Variants in SAMMSON observed in about 807,000 individuals in gnomAD.
The protein encoded by SAMMSON is long intergenic non-protein coding RNA 1212.
At chr3:70,398,203 T>C (rs1701108069) in intron 2 of SAMMSON, among the ~76,000 whole-genome samples, 1 of 152,286 alleles carries the variant, frequency 6.6e-6, no homozygotes, top group African/African-American at 2.4e-5. Flanking sequence ...TTTAAATATG[T>C]TTGCCACTTG....
chr3:70,212,894 G>A lies in SAMMSON; in HGVS notation n.508-36213G>A, dbSNP rs535858952. On this transcript the variant is annotated intron_variant and non_coding_transcript_variant, in intron 4 of 9. Coordinates refer to ENST00000642114, the Ensembl canonical transcript of SAMMSON. ...CTGCAGCTTCAACCTCCCAGACTCA[G>A]GTGATCCTCCCATCTCAGTCTCCTG... Among the ~76,000 whole-genome samples, 4 of 152,054 alleles carry A rather than the reference G, an allele frequency of 2.6e-5. No homozygotes were observed. In the East Asian group the frequency reaches 7.8e-4, roughly 30 times the overall value.
intron 9 of SAMMSON, among the ~76,000 whole-genome samples, chr3:70,368,444 T>A (rs1319162398): frequency 6.6e-6 from 1 of 151,628 alleles, no homozygotes; most frequent in Non-Finnish European, 1.5e-5. Flanking sequence ...GTGAAAAAAA[T>A]TTGTAGATGG....
At chr3:70,336,509 G>A (rs1428900766) in intron 7 of SAMMSON, among the ~76,000 whole-genome samples, 1 of 151,950 alleles carries the variant, frequency 6.6e-6, no homozygotes, top group Non-Finnish European at 1.5e-5. Flanking sequence ...AATCTTGGAG[G>A]TTTGTGGGAG....
chr3:70,116,197 T>C (rs73838060), intron 4 of SAMMSON, among the ~76,000 whole-genome samples: 1,872 of 151,868 alleles, frequency 0.012, 39 homozygotes, highest in African/African-American at 0.043. Flanking sequence ...CTAGCATTTA[T>C]CTGAGCACAG....
At chr3:70,319,803 G>T (rs1559563002) in intron 7 of SAMMSON, among the ~76,000 whole-genome samples, 1 of 151,990 alleles carries the variant, frequency 6.6e-6, no homozygotes, top group Non-Finnish European at 1.5e-5. Flanking sequence ...TGGAAGGGAT[G>T]TGTGACTATG....
chr3:70,317,240 C>A (rs1702501581), intron 7 of SAMMSON, among the ~76,000 whole-genome samples: 2 of 151,892 alleles, frequency 1.3e-5, no homozygotes, highest in Admixed American at 6.6e-5. Context: ...TATATTATTG[C>A]ATTTTGCTGT....
intron 7 of SAMMSON, among the ~76,000 whole-genome samples, chr3:70,331,077 T>A (rs550414872): frequency 3.9e-5 from 6 of 152,220 alleles, no homozygotes; most frequent in African/African-American, 1.4e-4. Context: ...GATCCCCAAA[T>A]TGAAGCTTTT....
intron 4 of SAMMSON, among the ~76,000 whole-genome samples, chr3:70,184,363 T>C (rs1701075998): frequency 6.6e-6 from 1 of 152,200 alleles, no homozygotes; most frequent in Non-Finnish European, 1.5e-5. Flanking sequence ...ACTATACCAC[T>C]TGATCTTAGA....
chr3:70,140,377 T>A (rs2067523086), intron 4 of SAMMSON: 1 of 208,276 alleles, frequency 4.8e-6, no homozygotes, highest in Admixed American at 4.6e-5. Flanking sequence ...AGCTCTGTGA[T>A]GAGTGTATAT....
At chr3:70,164,421 T>A (rs899850656) in intron 4 of SAMMSON, among the ~76,000 whole-genome samples, 5 of 152,110 alleles carry the variant, frequency 3.3e-5, no homozygotes, top group African/African-American at 1.2e-4. Flanking sequence ...CAAAAAAAGA[T>A]CTGTTTTCTC....
chr3:70,146,384 A>G (rs1409175955), intron 4 of SAMMSON, among the ~76,000 whole-genome samples: 2 of 152,020 alleles, frequency 1.3e-5, no homozygotes, highest in Admixed American at 6.6e-5. Context: ...ATAGGAAAAT[A>G]TCTGTCATGA....
At chr3:70,156,510 A>C (rs979925995) in intron 4 of SAMMSON, among the ~76,000 whole-genome samples, 6 of 152,122 alleles carry the variant, frequency 3.9e-5, no homozygotes, top group African/African-American at 1.4e-4. Flanking sequence ...CATAATTGAT[A>C]GAGACAAGAC....
chr3:70,310,435 G>A (rs769538524), intron 7 of SAMMSON, among the ~76,000 whole-genome samples: 12 of 151,042 alleles, frequency 7.9e-5, no homozygotes, highest in Admixed American at 6.6e-4. Flanking sequence ...GTGTGATCTC[G>A]GCTCACTGCA....
chr3:70,422,752 C>A (rs1326818510), intron 2 of SAMMSON, among the ~76,000 whole-genome samples: 1 of 151,594 alleles, frequency 6.6e-6, no homozygotes, highest in African/African-American at 2.4e-5. Context: ...TCTGGTGGCA[C>A]CCATATAAAT....
chr3:70,411,375 A>AT (rs1049055986), intron 2 of SAMMSON, among the ~76,000 whole-genome samples: 2 of 152,332 alleles, frequency 1.3e-5, no homozygotes, highest in African/African-American at 4.8e-5. Context: ...AGTCTTGAAC[A>AT]TTTCAGTACA....
chr3:70,041,710 T>G (rs892182686), intron 3 of SAMMSON, among the ~76,000 whole-genome samples: 5 of 152,198 alleles, frequency 3.3e-5, no homozygotes, highest in Admixed American at 2.0e-4. Context: ...TCCATAGCAT[T>G]TACATTGTAT....
intron 7 of SAMMSON, among the ~76,000 whole-genome samples, chr3:70,316,735 G>A (rs1433308236): frequency 6.6e-6 from 1 of 152,032 alleles, no homozygotes; most frequent in Admixed American, 6.6e-5. Context: ...TCTCCCAGGA[G>A]AAGGTTACAG....
chr3:70,309,566 T>C (rs1365705521), intron 7 of SAMMSON, among the ~76,000 whole-genome samples: 1 of 152,190 alleles, frequency 6.6e-6, no homozygotes, highest in East Asian at 1.9e-4. Context: ...AGCTAGTAGA[T>C]GGCTGAGCTG....
At chr3:70,424,725 G>A (rs930580388) in intron 2 of SAMMSON, 2 of 152,144 alleles carry the variant, frequency 1.3e-5, no homozygotes, top group Non-Finnish European at 2.9e-5. Context: ...ATTCAATGTA[G>A]GTAAAGCAGG....
Sources: allele counts gnomAD v4.1 joint callset (sites outside exome capture counted in the v4.1 genomes callset), GRCh38; gene constraint gnomAD v4.1.1; transcripts MANE v1.5; gene names NCBI Gene and HGNC (gene_info 2026-07-23, HGNC 2026-07-21).